Variants in PEDS1 observed in about 807,000 individuals in gnomAD.
The protein encoded by PEDS1 is CarF homolog.
A neutral mutation model predicts 35.2 loss-of-function variants in PEDS1; 14 were observed. The ratio of observed to expected loss-of-function variants is 0.40; its 90% CI spans 0.26 to 0.62. PEDS1 has a LOEUF of 0.62. PEDS1 is among the 20% of genes least tolerant of loss of function. The pLI is 0.44. For synonymous variants in PEDS1, 152 were observed against 152.0 expected, an observed-to-expected ratio of 1.00 and a Z score of 0.00; for missense variants, 260 against 367.8, an observed-to-expected ratio of 0.71 and a Z score of 2.40.
At chr20:50,146,937 T>C (rs940959262) in intron 1 of PEDS1, among the ~76,000 whole-genome samples, 1 of 152,162 alleles carries the variant, frequency 6.6e-6, no homozygotes, top group Admixed American at 6.5e-5. Context: ...CCCTTTCTGA[T>C]TCTTGTTTGT....
At chr20:50,139,679 C>CTTT (rs11479032) in intron 2 of PEDS1, among the ~76,000 whole-genome samples, 1 of 137,318 alleles carries the variant, frequency 7.3e-6, no homozygotes, top group Non-Finnish European at 1.6e-5. Flanking sequence ...GGATTTCTTT[C>CTTT]TTTTTTTTTT....
At position 50,143,417 on chromosome 20, in the gene PEDS1, T is replaced by C. The variant is rs530553238; in HGVS notation, c.241+85A>G. The C allele has an allele frequency of 5.8e-6, 9 of 1,538,806 alleles. No individual in the cohort carries two copies. The South Asian group carries it at 9.7e-5, about 17-fold the overall frequency. On this transcript the variant is annotated intron_variant, in intron 2 of 5. Transcript: ENST00000371652. ...GGACTCAAGCACACACATCCATGCA[T>C]GTGGACACACACACGCGCCAGTTAC...
intron 1 of PEDS1, among the ~76,000 whole-genome samples, chr20:50,144,245 T>A (rs1285399697): frequency 6.6e-6 from 1 of 152,248 alleles, no homozygotes; most frequent in Non-Finnish European, 1.5e-5. Flanking sequence ...CTGGGCTCTC[T>A]CTGGAGACAC....
chr20:50,144,874 T>G (rs1251627647), intron 1 of PEDS1, among the ~76,000 whole-genome samples: 2 of 152,180 alleles, frequency 1.3e-5, no homozygotes, highest in South Asian at 2.1e-4. Context: ...ACTAGCATAT[T>G]ACATTGTTTT....
intron 2 of PEDS1, among the ~76,000 whole-genome samples, chr20:50,132,898 A>G (rs1184191634): frequency 6.6e-6 from 1 of 152,184 alleles, no homozygotes; most frequent in Non-Finnish European, 1.5e-5. Flanking sequence ...GACACTGAAC[A>G]CATGTCTATG....
intron 1 of PEDS1, among the ~76,000 whole-genome samples, chr20:50,144,319 T>C (rs1185723299): frequency 6.6e-6 from 1 of 152,220 alleles, no homozygotes. Context: ...GCTTCACTTG[T>C]CCCCTTTTGC....
At chr20:50,151,265 T>C (rs1358976184) in intron 1 of PEDS1, 4 of 1,304,228 alleles carry the variant, frequency 3.1e-6, no homozygotes, top group African/African-American at 1.5e-5. Context: ...GGCACCAGGC[T>C]GTCTGCAGAC....
Position 50,118,926 on chromosome 20 carries a change from A to C in PEDS1, c.*6132T>G, listed in dbSNP as rs541635109. 2 of 152,308 alleles carry C rather than the reference A, an allele frequency of 1.3e-5. No homozygotes were observed. Among genetic ancestry groups the C allele is most frequent in the East Asian group, 3.9e-4 (2 of 5,192 alleles). The allele number at this position is 152,308 out of a possible 1,614,324, so 9.4% of individuals were successfully genotyped here. A position where few individuals can be genotyped will look rare whatever the true frequency, so the allele number is the denominator to read the frequency against. Reference sequence around the variant, plus strand: ...ACACCCAGCCACATTTTTACATGTGAACTTCTGAAATCAGGATGCATCTTA... The same window carrying C: ...ACACCCAGCCACATTTTTACATGTGCACTTCTGAAATCAGGATGCATCTTA... On this transcript the variant is annotated 3_prime_UTR_variant, in exon 6 of 6. Transcript: ENST00000371652.
chr20:50,127,021 G>A (rs2081113765), intron 5 of PEDS1, among the ~76,000 whole-genome samples: 1 of 152,078 alleles, frequency 6.6e-6, no homozygotes, highest in African/African-American at 2.4e-5. Context: ...CCAGTCAGGA[G>A]CCTCTTTGCC....
At chr20:50,145,389 A>C (rs975383016) in intron 1 of PEDS1, among the ~76,000 whole-genome samples, 14 of 151,658 alleles carry the variant, frequency 9.2e-5, no homozygotes, top group East Asian at 7.8e-4. Flanking sequence ...CAAAACAAAA[A>C]ATTTTAAACA....
rs2081068720 is a variant in PEDS1 at position 50,123,480 on chromosome 20, G to C, written c.*1578C>G. 1 of 152,228 alleles carries C rather than the reference G, an allele frequency of 6.6e-6. No individual in the cohort carries two copies. The highest frequency in any genetic ancestry group is 2.1e-4 in the South Asian group (1 of 4,828). 9.4% of individuals were successfully genotyped at this position (152,228 alleles called of 1,614,324 possible). On this transcript the variant is annotated 3_prime_UTR_variant, in exon 6 of 6. Transcript: ENST00000371652. ...AGGGTTTCACCATGTTGGCCAGGCT[G>C]GTCTAGAACTCCTGACCTCAGGTGA...
At chr20:50,151,292 C>G in intron 1 of PEDS1, 1 of 1,304,298 alleles carries the variant, frequency 7.7e-7, no homozygotes, top group Non-Finnish European at 1.0e-6. Context: ...TCAGGCATGG[C>G]TGTTCTTCAG....
chr20:50,120,474 A>G lies in PEDS1; in HGVS notation c.*4584T>C, dbSNP rs2081041678. ...ACCTATTGCTTATATAGCAATATAT[A>G]TATTGCTATATATATATATATACCC... On this transcript the variant is annotated 3_prime_UTR_variant, in exon 6 of 6. Coordinates refer to ENST00000371652, the MANE Select transcript of PEDS1 (RefSeq NM_199129.4). 1 of 138,708 alleles carries G rather than the reference A, an allele frequency of 7.2e-6. No homozygotes were observed. The highest frequency in any genetic ancestry group is 2.4e-4 in the South Asian group (1 of 4,246). 8.6% of individuals were successfully genotyped at this position (138,708 alleles called of 1,614,324 possible).
intron 1 of PEDS1, among the ~76,000 whole-genome samples, chr20:50,150,701 C>CT (rs112636763): frequency 1.3e-5 from 2 of 149,680 alleles, no homozygotes; most frequent in Non-Finnish European, 3.0e-5. Flanking sequence ...TTTTCTTTTT[C>CT]TTTTTTTTTG....
At chr20:50,145,423 A>G (rs2081335504) in intron 1 of PEDS1, among the ~76,000 whole-genome samples, 1 of 150,388 alleles carries the variant, frequency 6.6e-6, no homozygotes, top group African/African-American at 2.4e-5. Context: ...GGCCGGGTGC[A>G]GTGTTTCACA....
chr20:50,130,279 G>C (rs746200425), intron 3 of PEDS1, among the ~76,000 whole-genome samples: 3 of 152,172 alleles, frequency 2.0e-5, no homozygotes. Flanking sequence ...CTGTTCTCCT[G>C]GAAGGAGAAG....
chr20:50,129,803 T>A lies in PEDS1; in HGVS notation c.334-113A>T, dbSNP rs1601210468. 2.0e-5 allele frequency: 30 copies of A among 1,491,898 alleles called. No homozygotes were observed. The East Asian group carries it at 7.1e-4, about 35-fold the overall frequency. The allele number at this position is 1,491,898 out of a possible 1,614,324, so 92.4% of individuals were successfully genotyped here. A position where few individuals can be genotyped will look rare whatever the true frequency, so the allele number is the denominator to read the frequency against. ...CACCTCCCGCCTTTGATCCTAAGTT[T>A]CCTCCACCCGGGATGCTTGAACATT... On this transcript the variant is annotated intron_variant, in intron 3 of 5. Coordinates refer to ENST00000371652, the MANE Select transcript of PEDS1 (RefSeq NM_199129.4). This position sits in a 1 kb window ranked among gnomAD's most constrained non-coding sequence, Gnocchi z 4.2.
chr20:50,149,555 C>T (rs1010452046), intron 1 of PEDS1, among the ~76,000 whole-genome samples: 3 of 152,268 alleles, frequency 2.0e-5, no homozygotes, highest in Non-Finnish European at 2.9e-5. Context: ...CAGGACAGAA[C>T]GGCTCCTGGG....
chr20:50,143,686 G>A (rs1433155764), intron 1 of PEDS1, 65 bp from the exon 2 acceptor site: 2 of 1,568,756 alleles, frequency 1.3e-6, no homozygotes, highest in African/African-American at 2.8e-5. Flanking sequence ...GTGGCCCCAT[G>A]GGAACTTTTC....
Sources: gnomAD v4.1 joint callset for allele counts (sites outside exome capture counted in the v4.1 genomes callset) on GRCh38, gnomAD v4.1.1 for gene constraint, Gnocchi (gnomAD v3.1) non-coding constraint, MANE v1.5 for transcripts, NCBI Gene and HGNC (gene_info 2026-07-23, HGNC 2026-07-21) for gene names.